LDLRAD3: variants seen among roughly 807,000 people sequenced by gnomAD.
LDLRAD3 encodes the protein low density lipoprotein receptor class A domain containing 3.
A neutral mutation model predicts 29.4 loss-of-function variants in LDLRAD3; 20 were observed. The ratio of observed to expected loss-of-function variants is 0.68; its 90% confidence interval spans 0.48 to 0.99. The LOEUF (loss-of-function observed/expected upper bound fraction) is 0.99. LDLRAD3 is among the 50% of genes least tolerant of loss of function. The probability of loss-of-function intolerance (pLI) is 0.00; values close to 1 mark genes in which losing one functional copy is unlikely to be tolerated. For missense variants in LDLRAD3, 420 were observed against 454.3 expected, an observed-to-expected ratio of 0.92 and a Z score of 0.69; for synonymous variants, 157 against 192.7, an observed-to-expected ratio of 0.81 and a Z score of 1.53.
rs375793033 is a variant in LDLRAD3 at position 36,227,997 on chromosome 11, T to G, written c.800+567T>G. ...ATAAAGGAGGTGGAAAGGAGCACTT[T>G]CAAGCTTTTTTAAGCAGTACCACAT... On this transcript the variant is annotated intron_variant, in intron 5 of 5. Coordinates refer to ENST00000315571, the MANE Select transcript of LDLRAD3 (RefSeq NM_174902.4). 6.6e-5 allele frequency among the ~76,000 whole-genome samples: 10 copies of G among 152,228 alleles called. No individual in the cohort carries two copies. In the East Asian group the frequency reaches 1.5e-3, roughly 23 times the overall value.
chr11:36,031,467 G>T (rs536481628), intron 1 of LDLRAD3, among the ~76,000 whole-genome samples: 1 of 152,278 alleles, frequency 6.6e-6, no homozygotes, highest in African/African-American at 2.4e-5. Context: ...AACTTTCTAG[G>T]GAAGAGTATG....
At chr11:36,186,828 A>G (rs942820048) in intron 4 of LDLRAD3, among the ~76,000 whole-genome samples, 1 of 152,178 alleles carries the variant, frequency 6.6e-6, no homozygotes, top group Non-Finnish European at 1.5e-5. Flanking sequence ...TTACGTGGGC[A>G]TATGCATTTT....
chr11:36,045,967 C>T (rs1343183748), intron 2 of LDLRAD3, among the ~76,000 whole-genome samples: 1 of 152,068 alleles, frequency 6.6e-6, no homozygotes, highest in South Asian at 2.1e-4. Flanking sequence ...CTCCCTTCGT[C>T]CCCCACCCCC....
At chr11:35,960,177 A>T (rs2133134436) in intron 1 of LDLRAD3, among the ~76,000 whole-genome samples, 1 of 152,262 alleles carries the variant, frequency 6.6e-6, no homozygotes, top group East Asian at 1.9e-4. Context: ...TATAATTTTG[A>T]GTTCCATCCC....
At chr11:36,037,452 G>A (rs1852318914) in intron 2 of LDLRAD3, among the ~76,000 whole-genome samples, 2 of 152,008 alleles carry the variant, frequency 1.3e-5, no homozygotes, top group Non-Finnish European at 2.9e-5. Context: ...AGTAGCTGGA[G>A]TACAGGCACC....
At chr11:36,038,762 G>A (rs1262059984) in intron 2 of LDLRAD3, among the ~76,000 whole-genome samples, 1 of 152,126 alleles carries the variant, frequency 6.6e-6, no homozygotes, top group Non-Finnish European at 1.5e-5. Flanking sequence ...CCCCAAGTGT[G>A]GTGGAGGTTT....
intron 4 of LDLRAD3, among the ~76,000 whole-genome samples, chr11:36,204,768 C>T (rs1011180704): frequency 1.3e-5 from 2 of 152,166 alleles, no homozygotes; most frequent in African/African-American, 4.8e-5. Context: ...GGATTACAGG[C>T]GTGAGCCACA....
chr11:36,084,694 A>G (rs1282279237), intron 3 of LDLRAD3, among the ~76,000 whole-genome samples: 1 of 152,166 alleles, frequency 6.6e-6, no homozygotes, highest in Non-Finnish European at 1.5e-5. Flanking sequence ...CCTAATGAAA[A>G]ATGGGTCTAG....
intron 2 of LDLRAD3, among the ~76,000 whole-genome samples, chr11:36,080,679 A>G (rs1853099652): frequency 1.3e-5 from 2 of 152,230 alleles, no homozygotes; most frequent in African/African-American, 4.8e-5. Context: ...AGGACTCAGT[A>G]TATGATCATA....
chr11:36,172,982 T>A (rs868055363), intron 4 of LDLRAD3, among the ~76,000 whole-genome samples: 43 of 152,338 alleles, frequency 2.8e-4, no homozygotes, highest in African/African-American at 9.4e-4. Context: ...GGCAATTTTT[T>A]AATTATCATT....
chr11:36,157,036 C>T (rs917249995), intron 4 of LDLRAD3, among the ~76,000 whole-genome samples: 10 of 152,108 alleles, frequency 6.6e-5, no homozygotes, highest in Admixed American at 6.6e-4. Flanking sequence ...TGGGAAACAG[C>T]GTAAGGGCTG....
chr11:35,957,746 A>T (rs558054130), intron 1 of LDLRAD3, among the ~76,000 whole-genome samples: 1 of 145,704 alleles, frequency 6.9e-6, no homozygotes, highest in South Asian at 2.3e-4. Flanking sequence ...CATGGAGCTG[A>T]GATCGTGCCA....
chr11:36,062,906 G>C (rs1014771089), intron 2 of LDLRAD3, among the ~76,000 whole-genome samples: 3 of 152,126 alleles, frequency 2.0e-5, no homozygotes, highest in East Asian at 1.9e-4. Context: ...GGACTAATAC[G>C]TTGACCCACT....
chr11:36,065,882 G>A (rs934994278), intron 2 of LDLRAD3, among the ~76,000 whole-genome samples: 11 of 152,192 alleles, frequency 7.2e-5, no homozygotes, highest in African/African-American at 2.7e-4. Context: ...TTTCAGAGAT[G>A]CCTCTAGAGA....
intron 4 of LDLRAD3, among the ~76,000 whole-genome samples, chr11:36,129,096 G>A (rs1327901064): frequency 6.6e-6 from 1 of 152,056 alleles, no homozygotes; most frequent in Non-Finnish European, 1.5e-5. Flanking sequence ...ATAATGATGA[G>A]GGAACCAGCC....
intron 4 of LDLRAD3, among the ~76,000 whole-genome samples, chr11:36,216,967 A>G (rs1855361065): frequency 6.6e-6 from 1 of 152,214 alleles, no homozygotes. Context: ...TTCTGACTTC[A>G]GACTCCTGCA....
At chr11:35,966,058 A>G (rs1192790498) in intron 1 of LDLRAD3, among the ~76,000 whole-genome samples, 1 of 152,212 alleles carries the variant, frequency 6.6e-6, no homozygotes, top group Non-Finnish European at 1.5e-5. Flanking sequence ...TAAATTTTTC[A>G]TTCTTTGTTA....
chr11:36,202,125 A>T (rs1352340815), intron 4 of LDLRAD3, among the ~76,000 whole-genome samples: 8 of 150,458 alleles, frequency 5.3e-5, no homozygotes, highest in Admixed American at 3.3e-4. Flanking sequence ...GCCCACTGCA[A>T]CCTCCACCTC....
intron 1 of LDLRAD3, among the ~76,000 whole-genome samples, chr11:35,990,880 G>A (rs1851680704): frequency 1.3e-5 from 2 of 152,166 alleles, no homozygotes; most frequent in Non-Finnish European, 1.5e-5. Flanking sequence ...ACATTCAGAG[G>A]TATTGGAGGT....
Sources: gnomAD v4.1 joint callset for allele counts (sites outside exome capture counted in the v4.1 genomes callset) on GRCh38, gnomAD v4.1.1 for gene constraint, MANE v1.5 for transcripts, NCBI Gene and HGNC (gene_info 2026-07-23, HGNC 2026-07-21) for gene names.